CNTNAP2: variants seen among roughly 807,000 people sequenced by gnomAD.
CNTNAP2 encodes the protein contactin associated protein 2.
A neutral mutation model predicts 155.2 loss-of-function variants in CNTNAP2; 98 were observed. That is an observed-to-expected ratio of 0.63 (90% CI 0.54 to 0.75). The LOEUF is 0.75. Among genes scored for constraint, CNTNAP2 ranks in the 30% least tolerant of loss-of-function variants. The pLI is 0.00. For missense variants in CNTNAP2, 1,727 were observed against 1,688.1 expected, an observed-to-expected ratio of 1.02 and a Z score of -0.40; for synonymous variants, 651 against 631.2, an observed-to-expected ratio of 1.03 and a Z score of -0.47.
At chr7:148,082,557 C>T (rs1803632799) in intron 15 of CNTNAP2, among the ~76,000 whole-genome samples, 1 of 152,100 alleles carries the variant, frequency 6.6e-6, no homozygotes, top group African/African-American at 2.4e-5. Context: ...AACCAGGACG[C>T]TCATTGTGGT....
intron 3 of CNTNAP2, among the ~76,000 whole-genome samples, chr7:146,940,353 C>G (rs1404055617): frequency 6.6e-6 from 1 of 151,980 alleles, no homozygotes; most frequent in Non-Finnish European, 1.5e-5. Flanking sequence ...CCCGCCACCA[C>G]GTCCAGCTAA....
intron 1 of CNTNAP2, among the ~76,000 whole-genome samples, chr7:146,237,731 C>T (rs1799497405): frequency 6.6e-6 from 1 of 151,952 alleles, no homozygotes; most frequent in African/African-American, 2.4e-5. Flanking sequence ...ATATGAAATA[C>T]ATTTAAGAAA....
At chr7:146,842,992 CA>C (rs1803766809) in intron 3 of CNTNAP2, among the ~76,000 whole-genome samples, 1 of 50,044 alleles carries the variant, frequency 2.0e-5, no homozygotes, top group Non-Finnish European at 4.1e-5. Context: ...GCCTGTCCCA[CA>C]CTTTTTTTTT....
intron 13 of CNTNAP2, among the ~76,000 whole-genome samples, chr7:147,687,369 T>C (rs1474638277): frequency 6.6e-6 from 1 of 152,126 alleles, no homozygotes. Flanking sequence ...CACAGGTCAG[T>C]CTGTGAATAT....
chr7:148,282,446 T>C (rs1780134686), intron 21 of CNTNAP2, among the ~76,000 whole-genome samples: 1 of 152,220 alleles, frequency 6.6e-6, no homozygotes, highest in Non-Finnish European at 1.5e-5. Context: ...ATGAGAATGA[T>C]AGTAGTGCCA....
rs768707341 is a variant in CNTNAP2, at chr7:147,225,758, G to T, written c.1349-74383G>T. ...AGGAAGGAAAGAAGGAAGGAAGGAA[G>T]GAAGGAAGGAAGGAAGGAAGGAAGG... On this transcript the variant is annotated intron_variant, in intron 8 of 23. Transcript: ENST00000361727. 4.4e-3 allele frequency among the ~76,000 whole-genome samples: 421 copies of T among 96,032 alleles called. 4 individuals are homozygous for T. The highest frequency in any genetic ancestry group is 0.021 in the African/African-American group (400 of 19,212). The allele number at this position is 96,032 out of a possible 152,430, so 63.0% of individuals were successfully genotyped here.
chr7:147,233,748 A>G (rs1230781904), intron 8 of CNTNAP2, among the ~76,000 whole-genome samples: 22 of 151,688 alleles, frequency 1.5e-4, no homozygotes, highest in Non-Finnish European at 1.8e-4. Flanking sequence ...AAAGGAAAAA[A>G]GTCTTATATA....
intron 10 of CNTNAP2, among the ~76,000 whole-genome samples, chr7:147,429,143 T>C (rs1797427306): frequency 1.3e-5 from 2 of 148,834 alleles, no homozygotes. Context: ...TTCCATGGTG[T>C]GTGTTTGTGT....
At chr7:146,545,792 C>T (rs1331038539) in intron 1 of CNTNAP2, among the ~76,000 whole-genome samples, 1 of 151,758 alleles carries the variant, frequency 6.6e-6, no homozygotes, top group Non-Finnish European at 1.5e-5. Flanking sequence ...GGACCTAGAA[C>T]CAGAAATACC....
intron 10 of CNTNAP2, among the ~76,000 whole-genome samples, chr7:147,448,254 G>A (rs998771918): frequency 1.3e-5 from 2 of 152,006 alleles, no homozygotes; most frequent in Non-Finnish European, 2.9e-5. Context: ...ACACAATGTT[G>A]AAGAGGAATT....
intron 1 of CNTNAP2, among the ~76,000 whole-genome samples, chr7:146,454,915 C>A (rs1204140116): frequency 1.3e-5 from 2 of 152,158 alleles, no homozygotes; most frequent in African/African-American, 4.8e-5. Context: ...AAGTTCCTTA[C>A]TTTCTCTGAA....
chr7:146,816,369 G>A (rs931186644), intron 2 of CNTNAP2, among the ~76,000 whole-genome samples: 8 of 152,198 alleles, frequency 5.3e-5, no homozygotes, highest in East Asian at 3.9e-4. Context: ...AAGAGGATTC[G>A]GTGGAGAGAA....
intron 1 of CNTNAP2, among the ~76,000 whole-genome samples, chr7:146,740,157 T>A (rs1300290569): frequency 6.6e-6 from 1 of 152,050 alleles, no homozygotes; most frequent in Non-Finnish European, 1.5e-5. Flanking sequence ...TTTATTTTTT[T>A]CTTCTGACTT....
chr7:147,889,321 C>G (rs1378848758), intron 13 of CNTNAP2, among the ~76,000 whole-genome samples: 1 of 151,914 alleles, frequency 6.6e-6, no homozygotes, highest in African/African-American at 2.4e-5. Context: ...ATAGACTAGA[C>G]TCTCCAGTTA....
At chr7:147,079,569 A>G (rs1011824707) in intron 4 of CNTNAP2, among the ~76,000 whole-genome samples, 1 of 151,210 alleles carries the variant, frequency 6.6e-6, no homozygotes, top group African/African-American at 2.4e-5. Flanking sequence ...TGTTGTGCAC[A>G]TGTACCCTAA....
intron 18 of CNTNAP2, among the ~76,000 whole-genome samples, chr7:148,179,205 C>T (rs557587064): frequency 1.5e-4 from 23 of 152,222 alleles, no homozygotes; most frequent in African/African-American, 5.3e-4. Flanking sequence ...CAAGGCCCAT[C>T]AGGAGACAAG....
In CNTNAP2 at chr7:148,157,869, A is replaced by G. The variant is rs577837802; in HGVS notation, c.2773+10160A>G. Among the ~76,000 whole-genome samples, 11 of 152,350 alleles carry G rather than the reference A, an allele frequency of 7.2e-5. No homozygotes were observed. The South Asian group carries it at 1.5e-3, about 20-fold the overall frequency. The stretch of plus-strand genomic sequence containing the variant: ...ACAAAATCTAGCAAAAAAAATTACT[A>G]CATTGAAATCAATCGACCATATGCA... On this transcript the variant is annotated intron_variant, in intron 17 of 23. Transcript: ENST00000361727.
intron 1 of CNTNAP2, among the ~76,000 whole-genome samples, chr7:146,467,127 G>A (rs1416657973): frequency 6.6e-6 from 1 of 152,052 alleles, no homozygotes; most frequent in African/African-American, 2.4e-5. Context: ...TAAACTATTT[G>A]CAAAGAATTT....
chr7:148,370,604 G>A (rs948957257), intron 21 of CNTNAP2, among the ~76,000 whole-genome samples: 4 of 151,992 alleles, frequency 2.6e-5, no homozygotes, highest in African/African-American at 9.7e-5. Context: ...AGGGGTCTGA[G>A]GACTTGCCTT....
Sources: allele counts gnomAD v4.1 joint callset (sites outside exome capture counted in the v4.1 genomes callset), GRCh38; gene constraint gnomAD v4.1.1; transcripts MANE v1.5; gene names NCBI Gene and HGNC (gene_info 2026-07-23, HGNC 2026-07-21).